RTTN: variants seen among roughly 807,000 people sequenced by gnomAD.
RTTN encodes the protein rotatin.
Under a neutral mutation model 269.2 loss-of-function variants are expected in RTTN, and 182 were observed. The observed-to-expected ratio is 0.68, with a 90% CI of 0.60 to 0.76. The LOEUF (loss-of-function observed/expected upper bound fraction) is 0.76. Ranked by LOEUF, RTTN falls within the 30% of genes least tolerant of loss-of-function variation. RTTN has a pLI of 0.00. For synonymous variants in RTTN, 1,006 were observed against 963.5 expected (o/e 1.04, Z -0.82); for missense variants, 2,545 against 2,608.6 (o/e 0.98, Z 0.53).
At chr18:70,185,935 T>C (rs1320624668) in intron 10 of RTTN, among the ~76,000 whole-genome samples, 3 of 151,954 alleles carry the variant, frequency 2.0e-5, no homozygotes, top group Non-Finnish European at 4.4e-5. Context: ...AAAGAATACT[T>C]AAGAATAAGT....
At position 70,059,739 on chromosome 18, in the gene RTTN, A is replaced by G. The variant is rs11876398; in HGVS notation, c.4940+111T>C. ...ATCCTAGAGTTCAATGAGCCTAAAAAAGAATAAAGCTGTATTTCCAGGTCA... is the reference window on the plus strand; with the variant it reads ...ATCCTAGAGTTCAATGAGCCTAAAAGAGAATAAAGCTGTATTTCCAGGTCA... On this transcript the variant is annotated intron_variant, in intron 36 of 48. Coordinates refer to ENST00000640769, the MANE Select transcript of RTTN (RefSeq NM_173630.4). 606,457 of 702,568 alleles carry G rather than the reference A, an allele frequency of 0.86. 273,962 individuals carry two copies. Among genetic ancestry groups the G allele is most frequent in the East Asian group, 1 (35,291 of 35,334 alleles). 43.5% of individuals were successfully genotyped at this position (702,568 alleles called of 1,614,324 possible). A position where few individuals can be genotyped will look rare whatever the true frequency, so the allele number is the denominator to read the frequency against.
At chr18:70,172,915 T>C (rs1448753166) in intron 11 of RTTN, among the ~76,000 whole-genome samples, 1 of 152,170 alleles carries the variant, frequency 6.6e-6, no homozygotes, top group Non-Finnish European at 1.5e-5. Context: ...CACCACTAAT[T>C]TTTCATTTAT....
Position 70,182,887 on chromosome 18 carries a change from A to C in RTTN, c.1305+5221T>G, listed in dbSNP as rs1485576965. On this transcript the variant is annotated intron_variant, in intron 10 of 48. Coordinates refer to ENST00000640769, the MANE Select transcript of RTTN (RefSeq NM_173630.4). ...TCTACTGAAATACAAACAGCAAAAA[A>C]CAAGGTATCCTGAACTCTCCACACT... is the stretch of plus-strand genomic sequence containing the variant. Among the ~76,000 whole-genome samples, 86 of 152,188 alleles carry C rather than the reference A, an allele frequency of 5.7e-4. 1 individual carries two copies. Among genetic ancestry groups the C allele is most frequent in the Non-Finnish European group, 1.5e-5 (1 of 68,004 alleles).
chr18:70,052,768 TA>T (rs1311832088), intron 38 of RTTN, among the ~76,000 whole-genome samples: 1 of 151,656 alleles, frequency 6.6e-6, no homozygotes. Context: ...AAAAAAATTT[TA>T]AAAACTTCTT....
intron 26 of RTTN, among the ~76,000 whole-genome samples, chr18:70,115,040 G>A (rs1205224962): frequency 2.0e-5 from 3 of 151,902 alleles, no homozygotes; most frequent in Non-Finnish European, 4.4e-5. Context: ...ATATCTGATT[G>A]TTTTTCAACA....
At chr18:70,163,089 A>AAAC (rs1555766741) in intron 14 of RTTN, among the ~76,000 whole-genome samples, 12 of 147,306 alleles carry the variant, frequency 8.1e-5, no homozygotes, top group Middle Eastern at 3.4e-3. Flanking sequence ...AAAAAAAAAA[A>AAAC]AAAAAAAAAC....
chr18:70,050,730 C>G (rs1599280495), intron 39 of RTTN, among the ~76,000 whole-genome samples: 1 of 152,152 alleles, frequency 6.6e-6, no homozygotes, highest in Non-Finnish European at 1.5e-5. Flanking sequence ...CACCATGGAA[C>G]ATTATGCAGC....
chr18:70,094,318 T>TA (rs1280654722), intron 28 of RTTN, among the ~76,000 whole-genome samples: 12 of 152,188 alleles, frequency 7.9e-5, no homozygotes, highest in Non-Finnish European at 1.5e-4. Context: ...GCTCTGATCT[T>TA]AGTTATTTCT....
At position 70,134,470 on chromosome 18, in the gene RTTN, T is replaced by C. The variant is rs2060073358; in HGVS notation, c.2954+3A>G. ...AAGAAAATCAGAGAAATAAATCCTT[T>C]ACCTTCTAAAAACGGAAACAGGCAA... is the stretch of plus-strand genomic sequence containing the variant. On this transcript the variant is annotated splice_donor_region_variant and intron_variant, in intron 23 of 48. Coordinates refer to ENST00000640769, the MANE Select transcript of RTTN (RefSeq NM_173630.4). 1.3e-6 allele frequency: 2 copies of C among 1,599,650 alleles called. No individual in the cohort carries two copies. The highest frequency in any genetic ancestry group is 1.7e-5 in the Admixed American group (1 of 59,264).
intron 14 of RTTN, among the ~76,000 whole-genome samples, chr18:70,152,938 TATA>T (rs567984748): frequency 1.2e-3 from 187 of 152,344 alleles, no homozygotes; most frequent in African/African-American, 4.3e-3. Context: ...TTCATAGCTT[TATA>T]ATGTTTGGCA....
intron 46 of RTTN, chr18:70,007,768 T>G (rs754942908): frequency 6.6e-6 from 1 of 152,296 alleles, no homozygotes; most frequent in African/African-American, 2.4e-5. Context: ...CAGGGGCTTA[T>G]AGATAAAACT....
intron 45 of RTTN, among the ~76,000 whole-genome samples, chr18:70,018,170 A>G (rs1339640527): frequency 5.3e-5 from 8 of 152,006 alleles, no homozygotes; most frequent in African/African-American, 1.9e-4. Flanking sequence ...TCTTACATTC[A>G]CTTTATCCCA....
At chr18:70,024,246 C>T (rs1311614700) in intron 44 of RTTN, among the ~76,000 whole-genome samples, 1 of 152,184 alleles carries the variant, frequency 6.6e-6, no homozygotes, top group African/African-American at 2.4e-5. Context: ...CCAGAACTCA[C>T]AATGCATGGC....
intron 40 of RTTN, among the ~76,000 whole-genome samples, chr18:70,041,254 A>T (rs1365236016): frequency 6.6e-6 from 1 of 151,884 alleles, no homozygotes; most frequent in African/African-American, 2.4e-5. Flanking sequence ...ATAAAAATAA[A>T]AAATTGCTCA....
At chr18:70,083,112 C>A (rs1201299982) in intron 32 of RTTN, among the ~76,000 whole-genome samples, 1 of 152,114 alleles carries the variant, frequency 6.6e-6, no homozygotes, top group Non-Finnish European at 1.5e-5. Context: ...AAGACTGACA[C>A]AGCAGGAACT....
chr18:70,196,668 T>C lies in RTTN; in HGVS notation c.694-20A>G. 13 of 1,605,564 alleles carry C rather than the reference T, an allele frequency of 8.1e-6. No individual in the cohort carries two copies. The highest frequency in any genetic ancestry group is 1.3e-5 in the African/African-American group (1 of 74,144). ...AAGGCTCTGAAATCAAGAAGAGCCGTGAAAATTACTAAGGGAACAAAGAGC... is the reference window on the plus strand; with the variant it reads ...AAGGCTCTGAAATCAAGAAGAGCCGCGAAAATTACTAAGGGAACAAAGAGC... On this transcript the variant is annotated intron_variant, in intron 6 of 48. Coordinates refer to ENST00000640769, the MANE Select transcript of RTTN (RefSeq NM_173630.4).
chr18:70,128,036 A>C, intron 24 of RTTN: 1 of 436,376 alleles, frequency 2.3e-6, no homozygotes, highest in Non-Finnish European at 4.1e-6. Context: ...TAATGATAAC[A>C]CTCATGCATA....
chr18:70,170,552 G>A (rs2061112124), intron 11 of RTTN, among the ~76,000 whole-genome samples: 1 of 152,186 alleles, frequency 6.6e-6, no homozygotes, highest in Non-Finnish European at 1.5e-5. Context: ...ATAGAAGAGG[G>A]AAGAGCAATT....
At chr18:70,149,542 A>T (rs1002498642) in intron 16 of RTTN, among the ~76,000 whole-genome samples, 78 of 131,268 alleles carry the variant, frequency 5.9e-4, no homozygotes, top group Middle Eastern at 3.9e-3. Flanking sequence ...TTGCTTTTTT[A>T]AAAAAAAAAA....
Sources: gnomAD v4.1 joint callset for allele counts (sites outside exome capture counted in the v4.1 genomes callset) on GRCh38, gnomAD v4.1.1 for gene constraint, MANE v1.5 for transcripts, NCBI Gene and HGNC (gene_info 2026-07-23, HGNC 2026-07-21) for gene names.